BMS1: variants seen among roughly 807,000 people sequenced by gnomAD.
The protein encoded by BMS1 is ribosome biogenesis protein BMS1 homolog.
In BMS1, 53 loss-of-function variants were observed where a neutral mutation model predicts 138.7. That is an observed-to-expected ratio of 0.38 (90% CI 0.31 to 0.48). BMS1 has a LOEUF of 0.48. Among genes scored for constraint, BMS1 ranks in the 20% least tolerant of loss-of-function variants. BMS1 has a pLI of 0.97. For missense variants in BMS1, 1,360 were observed against 1,565.5 expected (o/e 0.87, Z 2.22); for synonymous variants, 504 against 539.9 (o/e 0.93, Z 0.92).
chr10:42,818,638 T>C (rs1218323992), intron 15 of BMS1, among the ~76,000 whole-genome samples: 1 of 152,120 alleles, frequency 6.6e-6, no homozygotes, highest in Non-Finnish European at 1.5e-5. Context: ...AGATGCAGTT[T>C]TGGGAAGATG....
rs752734706 is a variant in BMS1, at chr10:42,796,664, ACTGATCAGTATATGG to A, written c.1424_1438del (p.Asp475_Ala479del). The stretch of plus-strand genomic sequence containing the variant: ...AGAAGAGGAGGAAAATGCTGAGATG[ACTGATCAGTATATGG>A]CTGTTAAGGGCATCAAACGACGGAA... On this transcript the variant is annotated inframe_deletion, in exon 10 of 23. Transcript: ENST00000374518. The A allele has an allele frequency of 2.5e-6, 4 of 1,614,176 alleles. No homozygotes were observed. Among genetic ancestry groups the A allele is most frequent in the Non-Finnish European group, 1.7e-6 (2 of 1,180,024 alleles).
At chr10:42,802,096 G>T in intron 12 of BMS1, 41 bp from the exon 13 acceptor site, 1 of 1,533,652 alleles carries the variant, frequency 6.5e-7, no homozygotes, top group South Asian at 1.2e-5. Context: ...TTTGCTGAGT[G>T]ATTGGAACAC....
In BMS1 at chr10:42,803,698, G is replaced by A. The variant is rs577026687; in HGVS notation, c.2329+1480G>A. Among the ~76,000 whole-genome samples the A allele has an allele frequency of 2.8e-4, 43 of 152,212 alleles. 1 individual carries two copies. Among genetic ancestry groups the A allele is most frequent in the African/African-American group, 1.0e-3 (42 of 41,526 alleles). On this transcript the variant is annotated intron_variant, in intron 13 of 22. Transcript: ENST00000374518. ...TATTGTTTTTTCCATAGGAACTTAAGAATCGGCTTTTCTGTTTTCAAAAGA... is the reference window on the plus strand; with the variant it reads ...TATTGTTTTTTCCATAGGAACTTAAAAATCGGCTTTTCTGTTTTCAAAAGA...
intron 18 of BMS1, among the ~76,000 whole-genome samples, chr10:42,821,337 G>T (rs1842498327): frequency 6.6e-6 from 1 of 152,010 alleles, no homozygotes; most frequent in African/African-American, 2.4e-5. Flanking sequence ...ATTTTCATTT[G>T]ACCAGTCAGG....
intron 3 of BMS1, among the ~76,000 whole-genome samples, chr10:42,786,186 C>T (rs1419348729): frequency 6.6e-6 from 1 of 152,238 alleles, no homozygotes; most frequent in Admixed American, 6.5e-5. Context: ...ATAGCACGCA[C>T]CTCCTATGTG....
chr10:42,830,192 T>G lies in BMS1; in HGVS notation c.3457-69T>G. 2.5e-6 allele frequency: 4 copies of G among 1,569,386 alleles called. No individual in the cohort carries two copies. In the East Asian group the frequency reaches 9.0e-5, roughly 35 times the overall value. On this transcript the variant is annotated intron_variant, in intron 21 of 22. Coordinates refer to ENST00000374518, the MANE Select transcript of BMS1 (RefSeq NM_014753.4). Reference sequence around the variant, plus strand: ...GAAAAGTCAACCCATTGAGAAGATTTTATGCAGAAGTTTTAAATGCACATT... The same window carrying G: ...GAAAAGTCAACCCATTGAGAAGATTGTATGCAGAAGTTTTAAATGCACATT...
At position 42,796,556 on chromosome 10, in the gene BMS1, G is replaced by C. The variant is rs768389431; in HGVS notation, c.1312G>C (p.Glu438Gln). 4 of 1,614,184 alleles carry C rather than the reference G, an allele frequency of 2.5e-6. No homozygotes were observed. The South Asian group carries it at 4.4e-5, about 18-fold the overall frequency. The part of the protein sequence containing the change: ...RRKAIFGDED[E>Q]SGDSDDEEDD... ...GAAAGCCATTTTCGGAGATGAAGAT[G>C]AATCTGGAGATAGTGATGATGAAGA... The change falls in exon 10 of 23, where the codon GAA becomes CAA. Residue 438 changes from glutamate to glutamine, a missense_variant. This residue lies in a region of BMS1 where 697 missense variants were observed against 686.2 expected (regional missense o/e 1.02). Transcript: ENST00000374518.
chr10:42,796,714 G>T lies in BMS1; in HGVS notation c.1470G>T (p.Leu490Phe), dbSNP rs753985821. The T allele has an allele frequency of 1.2e-6, 2 of 1,614,190 alleles. No individual in the cohort carries two copies. Among genetic ancestry groups the T allele is most frequent in the South Asian group, 2.2e-5 (2 of 91,084 alleles). Residue 490 changes from leucine to phenylalanine, a missense_variant, in exon 10 of 23, where the codon TTG becomes TTT. Leu to Phe is a conservative substitution (Grantham distance 22). This residue lies in a region of BMS1 where 697 missense variants were observed against 686.2 expected (regional missense o/e 1.02). Transcript: ENST00000374518. ...VKGIKRRKLE[L>F]EEDSEMDLPA... Reference sequence around the variant, plus strand: ...GCATCAAACGACGGAAACTTGAGTTGGAAGAAGACAGTGAAATGGATTTGC... The same window carrying T: ...GCATCAAACGACGGAAACTTGAGTTTGAAGAAGACAGTGAAATGGATTTGC...
At chr10:42,818,169 G>T (rs550165404) in intron 15 of BMS1, among the ~76,000 whole-genome samples, 165 of 152,326 alleles carry the variant, frequency 1.1e-3, no homozygotes, top group Non-Finnish European at 1.4e-3. Context: ...TATATGATTT[G>T]TGAAACGGAG....
intron 13 of BMS1, among the ~76,000 whole-genome samples, chr10:42,813,203 T>A (rs1842240987): frequency 6.6e-6 from 1 of 152,246 alleles, no homozygotes; most frequent in Non-Finnish European, 1.5e-5. Context: ...AAGTTTCTTA[T>A]GAACAGTATT....
intron 21 of BMS1, among the ~76,000 whole-genome samples, chr10:42,828,045 A>G (rs1564434083): frequency 6.6e-6 from 1 of 152,244 alleles, no homozygotes. Context: ...TGCCCAAATC[A>G]TAAGTGTGCA....
chr10:42,810,982 T>A (rs909056354), intron 13 of BMS1, among the ~76,000 whole-genome samples: 1 of 152,172 alleles, frequency 6.6e-6, no homozygotes, highest in African/African-American at 2.4e-5. Context: ...CAGCTTTTTG[T>A]TTCATTGATT....
rs747527498 is a variant in BMS1 at position 42,820,297 on chromosome 10, G to A, written c.2642G>A (p.Arg881Gln). Reference sequence around the variant, plus strand: ...GCCAGAGTTCAGTATGAGGGTTTTCGACCTGGGATGTACGTCCGCATTGAG... The same window carrying A: ...GCCAGAGTTCAGTATGAGGGTTTTCAACCTGGGATGTACGTCCGCATTGAG... ...DEARVQYEGF[R>Q]PGMYVRIEIE... Residue 881 changes from arginine to glutamine, a missense_variant, in exon 16 of 23, where the codon CGA becomes CAA. Physicochemically the swap from Arg to Gln is conservative, Grantham distance 43. This residue lies in a region of BMS1 where 425 missense variants were observed against 568.3 expected (regional missense o/e 0.75). Coordinates refer to ENST00000374518, the MANE Select transcript of BMS1 (RefSeq NM_014753.4). The A allele has an allele frequency of 1.8e-5, 29 of 1,613,452 alleles. No individual in the cohort carries two copies. The highest frequency in any genetic ancestry group is 1.6e-4 in the Middle Eastern group (1 of 6,078).
chr10:42,815,330 T>C (rs1370897298), intron 13 of BMS1, among the ~76,000 whole-genome samples: 1 of 152,230 alleles, frequency 6.6e-6, no homozygotes, highest in Non-Finnish European at 1.5e-5. Context: ...GTGGTGATGC[T>C]ATTCCTTTTG....
chr10:42,802,361 T>C, intron 13 of BMS1, 143 bp downstream of exon 13: 1 of 633,604 alleles, frequency 1.6e-6, no homozygotes, highest in African/African-American at 1.9e-5. Flanking sequence ...AACCAGGTAA[T>C]ATTCTGGGTT....
intron 9 of BMS1, 67 bp from the exon 10 acceptor site, chr10:42,796,407 A>C (rs544449715): frequency 1.4e-6 from 2 of 1,469,044 alleles, no homozygotes; most frequent in Non-Finnish European, 1.8e-6. Context: ...CATTGACTAT[A>C]TTGCCATTTC....
In BMS1 at chr10:42,820,623, A is replaced by G; in HGVS notation, c.2885A>G (p.His962Arg). The G allele has an allele frequency of 6.2e-7, 1 of 1,612,046 alleles. No homozygotes were observed. The highest frequency in any genetic ancestry group is 8.5e-7 in the Non-Finnish European group (1 of 1,179,854). ...ATCCCACTGTATTATATCGAAGACC[A>G]CAATGGAAGACAAAGGCTTCTAAAG... ...QTIPLYYIED[H>R]NGRQRLLKYT... Residue 962 changes from histidine (H) to arginine (R), a missense_variant, in exon 17 of 23, where the codon CAC becomes CGC. Physicochemically the swap from His to Arg is conservative, Grantham distance 29. Transcript: ENST00000374518.
chr10:42,822,373 G>A (rs1335636806), intron 19 of BMS1, among the ~76,000 whole-genome samples, 189 bp downstream of exon 19: 1 of 152,196 alleles, frequency 6.6e-6, no homozygotes, highest in Non-Finnish European at 1.5e-5. Flanking sequence ...TGGTAAAACA[G>A]CTATTTAGGA....
Position 42,822,143 on chromosome 10 carries a change from G to T in BMS1, c.3091G>T (p.Gly1031Cys). Residue 1031 changes from glycine to cysteine, a missense_variant, in exon 19 of 23, where the codon GGT becomes TGT. Gly to Cys is a radical substitution (Grantham distance 159). This residue lies in a region of BMS1 where 425 missense variants were observed against 568.3 expected (regional missense o/e 0.75). Coordinates refer to ENST00000374518, the MANE Select transcript of BMS1 (RefSeq NM_014753.4). ...AATTGTGAAGAAATTAAAGCTAACT[G>T]GTTTTCCATATAAAATTTTCAAGAA... ...IKIVKKLKLT[G>C]FPYKIFKNTS... The T allele has an allele frequency of 1.3e-6, 2 of 1,519,344 alleles. No individual in the cohort carries two copies. Among genetic ancestry groups the T allele is most frequent in the Admixed American group, 1.7e-5 (1 of 59,458 alleles). The allele number at this position is 1,519,344 out of a possible 1,614,324, so 94.1% of individuals were successfully genotyped here.
Sources: gnomAD v4.1 joint callset for allele counts (sites outside exome capture counted in the v4.1 genomes callset) on GRCh38, gnomAD v4.1.1 for gene constraint, gnomAD v4.1.1 regional missense constraint, MANE v1.5 for transcripts, NCBI Gene and HGNC (gene_info 2026-07-23, HGNC 2026-07-21) for gene names.